The following LARGE1 variants were observed in gnomAD, a reference collection of about 807,000 sequenced individuals.
The protein encoded by LARGE1 is xylosyl- and glucuronyltransferase LARGE1.
A neutral mutation model predicts 87.6 loss-of-function variants in LARGE1; 43 were observed. The observed-to-expected ratio is 0.49, with a 90% CI of 0.38 to 0.63. The LOEUF is 0.63. Ranked by LOEUF, LARGE1 falls within the 30% of genes least tolerant of loss-of-function variation. The pLI is 0.00. For missense variants in LARGE1, 802 were observed against 1,000.2 expected (o/e 0.80, Z 2.67); for synonymous variants, 434 against 394.6 (o/e 1.10, Z -1.18).
At chr22:33,168,509 A>T (rs1247403419) in intron 11 of LARGE1, among the ~76,000 whole-genome samples, 1 of 152,248 alleles carries the variant, frequency 6.6e-6, no homozygotes, top group Non-Finnish European at 1.5e-5. Flanking sequence ...TTCCAATGAG[A>T]AAAATGTGCA....
chr22:33,359,274 C>G (rs911727175), intron 9 of LARGE1, among the ~76,000 whole-genome samples: 20 of 152,106 alleles, frequency 1.3e-4, no homozygotes, highest in Non-Finnish European at 2.4e-4. Flanking sequence ...GAGTTGGAAT[C>G]TCAGCTCTGT....
intron 6 of LARGE1, among the ~76,000 whole-genome samples, chr22:33,551,499 G>C (rs1464221188): frequency 6.6e-6 from 1 of 152,182 alleles, no homozygotes; most frequent in Non-Finnish European, 1.5e-5. Context: ...ATGGAGAGTA[G>C]GAGTAACCCT....
chr22:33,830,155 C>T (rs1894427), intron 1 of LARGE1, among the ~76,000 whole-genome samples: 96,312 of 151,984 alleles, frequency 0.63, 30,778 homozygotes, highest in African/African-American at 0.74. Flanking sequence ...GTGCTCCCAC[C>T]GTGACACCCA....
At chr22:33,284,947 G>A (rs1464305352) in intron 12 of LARGE1, among the ~76,000 whole-genome samples, 1 of 152,180 alleles carries the variant, frequency 6.6e-6, no homozygotes, top group Non-Finnish European at 1.5e-5. Flanking sequence ...CTGCCATCCT[G>A]GGAAAGCGAT....
At chr22:33,551,031 C>T (rs774176223) in intron 6 of LARGE1, among the ~76,000 whole-genome samples, 9 of 151,966 alleles carry the variant, frequency 5.9e-5, no homozygotes, top group Non-Finnish European at 1.2e-4. Flanking sequence ...GAAAAACAGA[C>T]AATGGAAACT....
At chr22:33,844,218 G>C (rs1450939112) in intron 1 of LARGE1, among the ~76,000 whole-genome samples, 1 of 152,132 alleles carries the variant, frequency 6.6e-6, no homozygotes, top group Non-Finnish European at 1.5e-5. Flanking sequence ...TGGTTTTATT[G>C]AGGGCAAATA....
chr22:33,277,038 G>C, intron 14 of LARGE1, 22 bp downstream of exon 14: 1 of 1,611,360 alleles, frequency 6.2e-7, no homozygotes, highest in Non-Finnish European at 8.5e-7. Flanking sequence ...ACCATACCAG[G>C]TGGATGCTCC....
intron 2 of LARGE1, among the ~76,000 whole-genome samples, chr22:33,661,450 A>G (rs941004373): frequency 1.3e-5 from 2 of 151,978 alleles, no homozygotes; most frequent in African/African-American, 4.8e-5. Flanking sequence ...CCTGACCTCA[A>G]GTGATCCATC....
At chr22:33,685,291 A>C (rs930763419) in intron 2 of LARGE1, among the ~76,000 whole-genome samples, 1 of 152,204 alleles carries the variant, frequency 6.6e-6, no homozygotes, top group Non-Finnish European at 1.5e-5. Context: ...TGCTGAACAA[A>C]GCACTTCCTA....
At chr22:33,776,387 C>G (rs1255742513) in intron 1 of LARGE1, among the ~76,000 whole-genome samples, 1 of 152,188 alleles carries the variant, frequency 6.6e-6, no homozygotes, top group Non-Finnish European at 1.5e-5. Context: ...AAATTTTCCA[C>G]TTACAATATT....
chr22:33,605,745 A>T (rs1475972077), intron 4 of LARGE1, among the ~76,000 whole-genome samples: 1 of 152,184 alleles, frequency 6.6e-6, no homozygotes, highest in African/African-American at 2.4e-5. Context: ...AAATACAAAG[A>T]TGAGAATGAC....
chr22:33,575,008 T>C (rs921175969), intron 5 of LARGE1, among the ~76,000 whole-genome samples: 1 of 152,130 alleles, frequency 6.6e-6, no homozygotes, highest in Non-Finnish European at 1.5e-5. Flanking sequence ...ATCAGAACCT[T>C]GGAGGAAGCC....
At chr22:33,421,020 T>G (rs890483775) in intron 7 of LARGE1, among the ~76,000 whole-genome samples, 3 of 152,030 alleles carry the variant, frequency 2.0e-5, no homozygotes, top group Non-Finnish European at 4.4e-5. Flanking sequence ...AAACCCCATC[T>G]CTACCAAAAA....
At position 33,483,484 on chromosome 22, in the gene LARGE1, A is replaced by C. The variant is rs115788405; in HGVS notation, c.788-51219T>G. On this transcript the variant is annotated intron_variant, in intron 6 of 14. Transcript: ENST00000397394. ...GAGGACTGAGAGGGTGATGGTGAAC[A>C]GATAGGGACAGAAAGGACAGAGGTA... 1.3e-3 allele frequency among the ~76,000 whole-genome samples: 194 copies of C among 152,286 alleles called. 1 individual carries two copies. Among genetic ancestry groups the C allele is most frequent in the African/African-American group, 4.5e-3 (185 of 41,562 alleles).
At chr22:33,770,069 G>T (rs2085018364) in intron 1 of LARGE1, among the ~76,000 whole-genome samples, 1 of 152,192 alleles carries the variant, frequency 6.6e-6, no homozygotes, top group Non-Finnish European at 1.5e-5. Flanking sequence ...AACATAATAT[G>T]CAAAGTGTGC....
At chr22:33,585,491 C>T (rs545419323) in intron 5 of LARGE1, among the ~76,000 whole-genome samples, 2 of 152,090 alleles carry the variant, frequency 1.3e-5, no homozygotes, top group South Asian at 2.1e-4. Context: ...GAGAAGATTC[C>T]CTGTTTGGTA....
rs191394153 is a variant in LARGE1 at position 33,194,477 on chromosome 22, G to T, written c.1731-27645C>A. Among the ~76,000 whole-genome samples the T allele has an allele frequency of 5.9e-5, 9 of 152,266 alleles. No individual in the cohort carries two copies. In the East Asian group the frequency reaches 1.7e-3, roughly 29 times the overall value. ...TTGATTTTCAAGGTTTAGAGATGGAGAGTTTATTCAATTGATTAAATTTTG... is the reference window on the plus strand; with the variant it reads ...TTGATTTTCAAGGTTTAGAGATGGATAGTTTATTCAATTGATTAAATTTTG... On this transcript the variant is annotated intron_variant, in intron 11 of 11. Coordinates refer to the LARGE1 transcript ENST00000608642.
intron 1 of LARGE1, among the ~76,000 whole-genome samples, chr22:33,909,985 C>T (rs2065580803): frequency 6.6e-6 from 1 of 152,212 alleles, no homozygotes; most frequent in Non-Finnish European, 1.5e-5. Flanking sequence ...AAAGACCCAA[C>T]TCAAGTCCCA....
intron 1 of LARGE1, among the ~76,000 whole-genome samples, chr22:33,823,108 G>A (rs1198424160): frequency 6.6e-6 from 1 of 152,148 alleles, no homozygotes; most frequent in African/African-American, 2.4e-5. Context: ...CATATAAATA[G>A]CACAACCTAA....
Sources: gnomAD v4.1 joint callset for allele counts (sites outside exome capture counted in the v4.1 genomes callset) on GRCh38, gnomAD v4.1.1 for gene constraint, MANE v1.5 for transcripts, NCBI Gene and HGNC (gene_info 2026-07-23, HGNC 2026-07-21) for gene names.